The following SPAG9 variants were observed in gnomAD, a reference collection of about 807,000 sequenced individuals.
SPAG9 encodes sperm associated antigen 9, also known as C-Jun-amino-terminal kinase-interacting protein 4.
In SPAG9, 35 loss-of-function variants were observed where a neutral mutation model predicts 166.5. The observed-to-expected ratio is 0.21, with a 90% CI of 0.16 to 0.28. The LOEUF is 0.28. Ranked by LOEUF, SPAG9 falls within the 10% of genes least tolerant of loss-of-function variation. The pLI is 1.00. For missense variants in SPAG9, 1,235 were observed against 1,603.3 expected, an observed-to-expected ratio of 0.77 and a Z score of 3.92; for synonymous variants, 534 against 565.5, an observed-to-expected ratio of 0.94 and a Z score of 0.79.
At chr17:51,084,052 T>C (rs751527895) in intron 1 of SPAG9, 3 of 152,042 alleles carry the variant, frequency 2.0e-5, no homozygotes, top group African/African-American at 4.8e-5. Flanking sequence ...TTACAGTAAA[T>C]ATAGGAAAAG....
chr17:51,077,008 AGC>A (rs200332041), intron 2 of SPAG9, among the ~76,000 whole-genome samples: 7,177 of 102,454 alleles, frequency 0.07, 708 homozygotes, highest in Non-Finnish European at 0.096. Context: ...CTATCTAGCT[AGC>A]TAGCTAGCTA....
intron 1 of SPAG9, among the ~76,000 whole-genome samples, chr17:51,106,544 C>T (rs750294175): frequency 4.6e-5 from 7 of 152,068 alleles, no homozygotes; most frequent in Non-Finnish European, 7.4e-5. Context: ...TGCCTGTAAT[C>T]CCAGCACTTT....
At chr17:51,083,576 T>TTTATTTATTTAC (rs1476673629) in intron 1 of SPAG9, among the ~76,000 whole-genome samples, 1 of 138,164 alleles carries the variant, frequency 7.2e-6, no homozygotes, top group Non-Finnish European at 1.7e-5. Flanking sequence ...TATTTATTTA[T>TTTATTTATTTAC]TTATTTAAGA....
intron 25 of SPAG9, among the ~76,000 whole-genome samples, chr17:50,981,816 G>C (rs981695859): frequency 6.6e-6 from 1 of 151,726 alleles, no homozygotes; most frequent in Admixed American, 6.6e-5. Flanking sequence ...CGGATCACGA[G>C]GTTGGGAGTT....
intron 5 of SPAG9, among the ~76,000 whole-genome samples, chr17:51,036,487 C>T (rs2046588643): frequency 6.6e-6 from 1 of 152,138 alleles, no homozygotes; most frequent in Non-Finnish European, 1.5e-5. Flanking sequence ...TCTGCCACTA[C>T]AGCCCTCCAC....
chr17:51,057,358 A>G (rs943136783), intron 2 of SPAG9, among the ~76,000 whole-genome samples: 6 of 152,160 alleles, frequency 3.9e-5, no homozygotes, highest in African/African-American at 1.4e-4. Context: ...CAGGGTACTC[A>G]TTTAGTCTGT....
chr17:51,015,483 A>G (rs576006653), intron 8 of SPAG9, among the ~76,000 whole-genome samples: 1 of 152,284 alleles, frequency 6.6e-6, no homozygotes, highest in Non-Finnish European at 1.5e-5. Flanking sequence ...TTATTTACTT[A>G]AGTATGAATA....
chr17:51,098,347 C>A (rs2048702319), intron 1 of SPAG9, among the ~76,000 whole-genome samples: 1 of 151,834 alleles, frequency 6.6e-6, no homozygotes, highest in Non-Finnish European at 1.5e-5. Context: ...CACTCTTAAG[C>A]AATGGTTTCT....
chr17:51,115,329 C>T lies in SPAG9; in HGVS notation c.303+5025G>A, dbSNP rs145330640. Among the ~76,000 whole-genome samples, 25 of 152,116 alleles carry T rather than the reference C, an allele frequency of 1.6e-4. No homozygotes were observed. In the East Asian group the frequency reaches 4.4e-3, roughly 27 times the overall value. On this transcript the variant is annotated intron_variant, in intron 1 of 29. Coordinates refer to ENST00000262013, the MANE Select transcript of SPAG9 (RefSeq NM_001130528.3). ...TTAGCCTCCTGAGTAGCTAGGACTA[C>T]AGGCTCACACCATCACACCCAACTA...
intron 27 of SPAG9, chr17:50,975,955 A>G (rs1202831099): frequency 1.5e-6 from 2 of 1,362,622 alleles, no homozygotes; most frequent in East Asian, 5.0e-5. Flanking sequence ...CAGGGAGGAG[A>G]GAATTACTGT....
chr17:51,061,612 CAAAAAAAAAAAA>C (rs34010166), intron 2 of SPAG9, among the ~76,000 whole-genome samples: 10 of 31,726 alleles, frequency 3.2e-4, no homozygotes, highest in African/African-American at 6.2e-4. Context: ...GCTCTGTCTC[CAAAAAAAAAAAA>C]AAAAAAAAAA....
At chr17:51,074,937 C>T (rs1332987926) in intron 2 of SPAG9, among the ~76,000 whole-genome samples, 1 of 151,962 alleles carries the variant, frequency 6.6e-6, no homozygotes, top group African/African-American at 2.4e-5. Context: ...TGGTTCATGC[C>T]TGTAATCCCA....
intron 12 of SPAG9, among the ~76,000 whole-genome samples, 192 bp from the exon 13 acceptor site, chr17:51,002,037 A>G (rs2044977631): frequency 6.6e-6 from 1 of 152,150 alleles, no homozygotes; most frequent in African/African-American, 2.4e-5. Flanking sequence ...ATTTTTTGAG[A>G]CAGGGCCTTG....
rs1480890652 is a variant in SPAG9 at position 50,993,848 on chromosome 17, T to C, written c.2314A>G (p.Ile772Val). The C allele has an allele frequency of 1.2e-6, 2 of 1,614,176 alleles. No homozygotes were observed. Among genetic ancestry groups the C allele is most frequent in the Non-Finnish European group, 1.7e-6 (2 of 1,180,010 alleles). The change falls in exon 19 of 30, where the codon ATT becomes GTT. Residue 772 changes from isoleucine (I) to valine (V), a missense_variant. By Grantham distance (29) the Ile-to-Val change is conservative. Transcript: ENST00000262013. The part of the protein sequence containing the change: ...TSTHSATKVL[I>V]IDAVQPGNIL... Reference sequence around the variant, plus strand: ...TTGCCAGGTTGAACAGCATCAATAATAAGAACTTTTGTAGCCGAATGAGTG... The same window carrying C: ...TTGCCAGGTTGAACAGCATCAATAACAAGAACTTTTGTAGCCGAATGAGTG...
In SPAG9 at chr17:51,010,583, ATAT is replaced by A. The variant is rs1434173865; in HGVS notation, c.1214-3260_1214-3258del. ...GGCAAGAAAAGAAAAAAAAAAAAAA[ATAT>A]ATATATATATATATACATATATGTA... On this transcript the variant is annotated intron_variant, in intron 9 of 29. Transcript: ENST00000262013. 6.9e-3 allele frequency among the ~76,000 whole-genome samples: 792 copies of A among 114,968 alleles called. 9 individuals carry two copies. Among genetic ancestry groups the A allele is most frequent in the African/African-American group, 0.026 (719 of 28,188 alleles). 75.4% of individuals were successfully genotyped at this position (114,968 alleles called of 152,430 possible).
chr17:51,087,294 T>C (rs1465182062), intron 1 of SPAG9, among the ~76,000 whole-genome samples: 1 of 152,186 alleles, frequency 6.6e-6, no homozygotes, highest in Non-Finnish European at 1.5e-5. Context: ...TAGCTCTATA[T>C]AGCAATTAGC....
chr17:51,099,987 C>A (rs1258662878), intron 1 of SPAG9, among the ~76,000 whole-genome samples: 1 of 152,114 alleles, frequency 6.6e-6, no homozygotes, highest in African/African-American at 2.4e-5. Flanking sequence ...GTAACTCCAG[C>A]TACTCAGGAG....
At chr17:50,970,992 G>A (rs1192758749) in intron 28 of SPAG9, 136 bp from the exon 29 acceptor site, 3 of 699,382 alleles carry the variant, frequency 4.3e-6, no homozygotes, top group Admixed American at 2.9e-5. Flanking sequence ...GAAGCTAGAA[G>A]GCTCTGCATG....
chr17:51,074,928 G>C (rs1329602062), intron 2 of SPAG9, among the ~76,000 whole-genome samples: 2 of 152,080 alleles, frequency 1.3e-5, no homozygotes, highest in African/African-American at 4.8e-5. Flanking sequence ...CAGGCACAGT[G>C]GTTCATGCCT....
Sources: allele counts gnomAD v4.1 joint callset (sites outside exome capture counted in the v4.1 genomes callset), GRCh38; gene constraint gnomAD v4.1.1; transcripts MANE v1.5; gene names NCBI Gene and HGNC (gene_info 2026-07-23, HGNC 2026-07-21).